Variants in PCDHA2 observed in about 807,000 individuals in gnomAD.
PCDHA2 encodes protocadherin alpha 2.
Under a neutral mutation model 66.0 loss-of-function variants are expected in PCDHA2, and 58 were observed. The observed-to-expected ratio is 0.88, with a 90% CI of 0.71 to 1.09. The LOEUF (loss-of-function observed/expected upper bound fraction) is 1.09. Among genes scored for constraint, PCDHA2 ranks in the 50% least tolerant of loss-of-function variants. PCDHA2 has a pLI of 0.00. For missense variants in PCDHA2, 1,267 were observed against 1,242.3 expected, an observed-to-expected ratio of 1.02 and a Z score of -0.30; for synonymous variants, 634 against 554.0, an observed-to-expected ratio of 1.14 and a Z score of -2.03.
At chr5:140,960,112 T>C (rs145534809) in intron 1 of PCDHA2, among the ~76,000 whole-genome samples, 45 of 152,352 alleles carry the variant, frequency 3.0e-4, no homozygotes, top group Non-Finnish European at 4.3e-4. Flanking sequence ...GTGGGAACAA[T>C]AGTATTCCTT....
At position 140,953,768 on chromosome 5, in the gene PCDHA2, A is replaced by G. The variant is rs146090592; in HGVS notation, c.2389-25181A>G. Among the ~76,000 whole-genome samples, 15 of 152,248 alleles carry G rather than the reference A, an allele frequency of 9.9e-5. No homozygotes were observed. In the East Asian group the frequency reaches 2.7e-3, roughly 27 times the overall value. The stretch of plus-strand genomic sequence containing the variant: ...TACATTTATCCAAGAATTAAATTTA[A>G]TATTTATTTATTTTTTTCTTCAACT... On this transcript the variant is annotated intron_variant, in intron 1 of 3. Coordinates refer to ENST00000526136, the MANE Select transcript of PCDHA2 (RefSeq NM_018905.3).
intron 1 of PCDHA2, chr5:140,858,164 T>C: frequency 6.3e-7 from 1 of 1,597,740 alleles, no homozygotes; most frequent in Non-Finnish European, 8.6e-7. Context: ...CTGCGCGGTG[T>C]CCAGCTTGCT....
Position 140,877,923 on chromosome 5 carries a change from T to C in PCDHA2, c.2388+80571T>C, listed in dbSNP as rs1252401405. ...ATAACTACATTCTCTCATTTTTCTTTATGATTCTATCCTTTAAACTATCGA... is the reference window on the plus strand; with the variant it reads ...ATAACTACATTCTCTCATTTTTCTTCATGATTCTATCCTTTAAACTATCGA... On this transcript the variant is annotated intron_variant, in intron 1 of 3. Coordinates refer to ENST00000526136, the MANE Select transcript of PCDHA2 (RefSeq NM_018905.3). 5 of 1,421,040 alleles carry C rather than the reference T, an allele frequency of 3.5e-6. No individual in the cohort carries two copies. The African/African-American group carries it at 5.8e-5, about 16-fold the overall frequency. The allele number at this position is 1,421,040 out of a possible 1,614,324, so 88.0% of individuals were successfully genotyped here. A position where few individuals can be genotyped will look rare whatever the true frequency, so the allele number is the denominator to read the frequency against.
At chr5:140,877,594 T>G (rs782719581) in intron 1 of PCDHA2, 110 of 1,613,680 alleles carry the variant, frequency 6.8e-5, no homozygotes, top group Non-Finnish European at 9.3e-5. Context: ...CTGTGCGGTG[T>G]CCAGCCTGCT....
intron 1 of PCDHA2, among the ~76,000 whole-genome samples, chr5:140,839,745 C>T (rs1414249750): frequency 6.6e-6 from 1 of 151,938 alleles, no homozygotes; most frequent in Non-Finnish European, 1.5e-5. Flanking sequence ...CCCTTATTTG[C>T]CTTTCCTATT....
chr5:140,973,674 T>A (rs782774613), intron 1 of PCDHA2, among the ~76,000 whole-genome samples: 10 of 152,264 alleles, frequency 6.6e-5, no homozygotes, highest in Non-Finnish European at 1.3e-4. Flanking sequence ...GTAGCTTGAA[T>A]GTCATTGGCC....
Position 140,882,649 on chromosome 5 carries a change from C to G in PCDHA2, c.2388+85297C>G, listed in dbSNP as rs559940161. The G allele has an allele frequency of 3.7e-6, 6 of 1,614,096 alleles. No homozygotes were observed. In the Admixed American group the frequency reaches 1.0e-4, roughly 27 times the overall value. On this transcript the variant is annotated intron_variant, in intron 1 of 3. Coordinates refer to ENST00000526136, the MANE Select transcript of PCDHA2 (RefSeq NM_018905.3). ...TGGAGGTGAAGGTGAGGGACATTAACGACAACCCGCCCATATTCCCTGAAA... is the reference window on the plus strand; with the variant it reads ...TGGAGGTGAAGGTGAGGGACATTAAGGACAACCCGCCCATATTCCCTGAAA...
intron 3 of PCDHA2, among the ~76,000 whole-genome samples, chr5:140,996,330 A>G (rs551945424): frequency 6.6e-6 from 1 of 152,208 alleles, no homozygotes; most frequent in Non-Finnish European, 1.5e-5. Flanking sequence ...TAGAGAAGAA[A>G]AGTTTGAAAA....
intron 1 of PCDHA2, chr5:140,802,981 G>A: frequency 6.2e-7 from 1 of 1,614,028 alleles, no homozygotes; most frequent in Non-Finnish European, 8.5e-7. Context: ...GCGAAGGTGC[G>A]CGCAGTGGAT....
At chr5:140,860,165 GT>G (rs1478173649) in intron 1 of PCDHA2, 2 of 147,750 alleles carry the variant, frequency 1.4e-5, no homozygotes, top group Non-Finnish European at 3.0e-5. Flanking sequence ...ATATATATAT[GT>G]ATATATATAT....
In PCDHA2 at chr5:140,936,771, C is replaced by A. The variant is rs182480245; in HGVS notation, c.2389-42178C>A. Among the ~76,000 whole-genome samples, 20 of 152,230 alleles carry A rather than the reference C, an allele frequency of 1.3e-4. No individual in the cohort carries two copies. In the East Asian group the frequency reaches 3.5e-3, roughly 26 times the overall value. On this transcript the variant is annotated intron_variant, in intron 1 of 3. Coordinates refer to ENST00000526136, the MANE Select transcript of PCDHA2 (RefSeq NM_018905.3). ...GTATTGATATCTAATTGTGTAAGTT[C>A]TCTCACTTTGTTATTCTGCTTCAAG...
chr5:140,918,210 A>T (rs2078574076), intron 1 of PCDHA2, among the ~76,000 whole-genome samples: 1 of 152,152 alleles, frequency 6.6e-6, no homozygotes, highest in Non-Finnish European at 1.5e-5. Context: ...TTGTTGGTGT[A>T]CAGAAATGCT....
Position 140,795,470 on chromosome 5 carries a change from CCTA to C in PCDHA2, c.508_510del (p.Tyr170del), listed in dbSNP as rs1554119449. The C allele has an allele frequency of 1.2e-6, 2 of 1,614,020 alleles. No homozygotes were observed. Among genetic ancestry groups the C allele is most frequent in the Admixed American group, 3.3e-5 (2 of 59,992 alleles). On this transcript the variant is annotated inframe_deletion, in exon 1 of 4. Coordinates refer to ENST00000526136, the MANE Select transcript of PCDHA2 (RefSeq NM_018905.3). Reference sequence around the variant, plus strand: ...GATATAGGAGTAAATGCTCTTCTCTCCTACAAGCTCAGCTCCAGTGAGTTTTTC... The same window carrying C: ...GATATAGGAGTAAATGCTCTTCTCTCCAAGCTCAGCTCCAGTGAGTTTTTC...
chr5:140,796,034 T>A lies in PCDHA2; in HGVS notation c.1070T>A (p.Leu357His), dbSNP rs1421469626. ...TPEVSITSLSLPISENASLGT... is the reference protein window; with the variant it reads ...TPEVSITSLSHPISENASLGT... The stretch of plus-strand genomic sequence containing the variant: ...GAAGTCTCAATAACGTCTCTCTCAC[T>A]TCCCATCTCAGAGAACGCTTCCCTG... Residue 357 changes from leucine (L) to histidine (H), a missense_variant, in exon 1 of 4, where the codon CTT (leucine) becomes CAT (histidine). By Grantham distance (99) the Leu-to-His change is moderately conservative (BLOSUM62 -3). Transcript: ENST00000526136. The A allele has an allele frequency of 1.2e-6, 2 of 1,614,206 alleles. No individual in the cohort carries two copies. Among genetic ancestry groups the A allele is most frequent in the Admixed American group, 3.3e-5 (2 of 60,038 alleles).
chr5:140,863,653 T>C (rs2048107718), intron 1 of PCDHA2: 1 of 297,060 alleles, frequency 3.4e-6, no homozygotes, highest in Admixed American at 4.5e-5. Flanking sequence ...ATTAATTTGA[T>C]TGCTTTATTT....
At chr5:140,928,696 C>A in intron 1 of PCDHA2, 2 of 1,614,146 alleles carry the variant, frequency 1.2e-6, no homozygotes, top group South Asian at 2.2e-5. Flanking sequence ...CCACATCTCC[C>A]GGGCGTCTGA....
chr5:141,008,470 C>T (rs2098378498), intron 3 of PCDHA2, among the ~76,000 whole-genome samples: 1 of 152,156 alleles, frequency 6.6e-6, no homozygotes, highest in Non-Finnish European at 1.5e-5. Context: ...GCTCTGACTT[C>T]TACTCTTCTA....
chr5:140,928,155 C>T, intron 1 of PCDHA2: 2 of 1,614,178 alleles, frequency 1.2e-6, no homozygotes, highest in Non-Finnish European at 1.7e-6. Flanking sequence ...CAGATAGTGG[C>T]TCACCCCCAC....
At chr5:141,005,527 C>A (rs1448254191) in intron 3 of PCDHA2, among the ~76,000 whole-genome samples, 1 of 151,230 alleles carries the variant, frequency 6.6e-6, no homozygotes, top group Non-Finnish European at 1.5e-5. Context: ...CACGGTGAAA[C>A]CCCGTCTCTA....
Sources: gnomAD v4.1 joint callset for allele counts (sites outside exome capture counted in the v4.1 genomes callset) on GRCh38, gnomAD v4.1.1 for gene constraint, MANE v1.5 for transcripts, NCBI Gene and HGNC (gene_info 2026-07-23, HGNC 2026-07-21) for gene names.